The following KCTD9 variants were observed in gnomAD, a reference collection of about 807,000 sequenced individuals.
KCTD9 encodes BTB/POZ domain-containing protein KCTD9.
KCTD9 carries 17 observed loss-of-function variants against 53.3 expected under a neutral mutation model. The observed-to-expected ratio is 0.32, with a 90% CI of 0.22 to 0.48. The LOEUF (loss-of-function observed/expected upper bound fraction) is 0.48, where lower values mean the gene tolerates loss of function less well. Ranked by LOEUF, KCTD9 falls within the 20% of genes least tolerant of loss-of-function variation. The pLI is 0.99. For synonymous variants in KCTD9, 128 were observed against 162.7 expected (o/e 0.79, Z 1.62); for missense variants, 179 against 465.5 (o/e 0.38, Z 5.66).
intron 1 of KCTD9, among the ~76,000 whole-genome samples, chr8:25,454,585 A>G (rs900460415): frequency 6.6e-6 from 1 of 152,226 alleles, no homozygotes; most frequent in Admixed American, 6.5e-5. Flanking sequence ...GTTGAGGCAC[A>G]TGGAAAAAGG....
intron 2 of KCTD9, 79 bp from the exon 3 acceptor site, chr8:25,444,414 C>T (rs1467535466): frequency 9.1e-6 from 12 of 1,320,450 alleles, no homozygotes; most frequent in African/African-American, 3.0e-5. Flanking sequence ...AGGAACTATT[C>T]CTTACAATTA....
Position 25,436,432 on chromosome 8 carries a change from C to T in KCTD9, c.553G>A (p.Glu185Lys). The change falls in exon 7 of 12, where the codon GAA becomes AAA. Residue 185 changes from glutamate (E) to lysine (K), a missense_variant. Glu to Lys is a moderately conservative substitution (Grantham distance 56). This residue lies in a region of KCTD9 where 115 missense variants were observed against 250.9 expected (regional missense o/e 0.46). Transcript: ENST00000221200. ...FGIDSLIEHL[E>K]VAIKNSQPPE... is the part of the protein sequence containing the mutation. ...AACAGGCTTACCTTTATTGCCACTT[C>T]TAGGTGTTCAATCAATGAGTCAATA... 6.2e-7 allele frequency: 1 copy of T among 1,606,230 alleles called. No individual in the cohort carries two copies. The highest frequency in any genetic ancestry group is 8.5e-7 in the Non-Finnish European group (1 of 1,178,304).
At chr8:25,437,814 C>A (rs1014284092) in intron 6 of KCTD9, among the ~76,000 whole-genome samples, 1 of 133,106 alleles carries the variant, frequency 7.5e-6, no homozygotes, top group Non-Finnish European at 1.5e-5. Flanking sequence ...CACCATTGCA[C>A]TCCAGCCTGG....
intron 1 of KCTD9, among the ~76,000 whole-genome samples, chr8:25,455,727 G>A (rs752982088): frequency 9.9e-5 from 15 of 152,230 alleles, no homozygotes; most frequent in Admixed American, 2.6e-4. Flanking sequence ...ATATCACAAT[G>A]TCAATGACAA....
chr8:25,455,010 G>A (rs551522055), intron 1 of KCTD9, among the ~76,000 whole-genome samples: 82 of 152,272 alleles, frequency 5.4e-4, no homozygotes, highest in African/African-American at 1.9e-3. Flanking sequence ...TGGATCACAT[G>A]AGGTCAAGAG....
At chr8:25,456,803 A>G (rs1802444509) in intron 1 of KCTD9, among the ~76,000 whole-genome samples, 1 of 152,210 alleles carries the variant, frequency 6.6e-6, no homozygotes, top group African/African-American at 2.4e-5. Context: ...AATATTTATG[A>G]CTAGGTTTAA....
At chr8:25,455,925 T>C (rs192612553) in intron 1 of KCTD9, among the ~76,000 whole-genome samples, 46 of 152,376 alleles carry the variant, frequency 3.0e-4, no homozygotes, top group South Asian at 8.3e-4. Context: ...TATTTCTTCC[T>C]GACCTCCAAT....
chr8:25,455,753 G>A (rs780314234), intron 1 of KCTD9, among the ~76,000 whole-genome samples: 3 of 152,166 alleles, frequency 2.0e-5, no homozygotes, highest in Non-Finnish European at 2.9e-5. Flanking sequence ...CTGTGAAGAA[G>A]ACACTATTAA....
chr8:25,436,211 T>G, intron 8 of KCTD9, 24 bp downstream of exon 8: 1 of 1,347,058 alleles, frequency 7.4e-7, no homozygotes, highest in Non-Finnish European at 1.1e-6. Flanking sequence ...ATAGAAATAA[T>G]TGATGTAAAA....
At chr8:25,433,209 T>C in intron 10 of KCTD9, 121 bp downstream of exon 10, 2 of 459,608 alleles carry the variant, frequency 4.4e-6, no homozygotes, top group Non-Finnish European at 7.7e-6. Flanking sequence ...CCAAATATGA[T>C]GACAGAAGAA....
At chr8:25,452,447 T>C (rs1802345917) in intron 1 of KCTD9, among the ~76,000 whole-genome samples, 1 of 152,202 alleles carries the variant, frequency 6.6e-6, no homozygotes, top group Non-Finnish European at 1.5e-5. Context: ...GTCTATACCT[T>C]AGAGTGGTGG....
Position 25,439,513 on chromosome 8 carries a change from CATAATT to C in KCTD9, c.370+87_370+92del. ...ATAAGTTTTTACTCTTAAAAACTGA[CATAATT>C]AGTAAGTACAGAAGGTCAGGAGTTA... On this transcript the variant is annotated intron_variant, in intron 5 of 11. Transcript: ENST00000221200. The C allele has an allele frequency of 1.3e-5, 20 of 1,553,408 alleles. No individual in the cohort carries two copies. The South Asian group carries it at 2.0e-4, about 16-fold the overall frequency.
intron 10 of KCTD9, 46 bp from the exon 11 acceptor site, chr8:25,432,683 T>TA: frequency 6.4e-7 from 1 of 1,554,374 alleles, no homozygotes; most frequent in Non-Finnish European, 8.7e-7. Context: ...AAAATATAGT[T>TA]ATCTACCTTC....
intron 4 of KCTD9, 154 bp downstream of exon 4, chr8:25,440,423 T>C (rs1034386726): frequency 5.5e-5 from 33 of 594,762 alleles, no homozygotes; most frequent in Non-Finnish European, 9.0e-5. Context: ...CCATGTTTTT[T>C]TCTTCAAAAA....
rs199860581 is a variant in KCTD9, at chr8:25,436,401, T to C, written c.567+17A>G. On this transcript the variant is annotated intron_variant, in intron 7 of 11. Coordinates refer to ENST00000221200, the MANE Select transcript of KCTD9 (RefSeq NM_017634.4). ...CTACAATGAATGTAACACTGGCTAA[T>C]GTAAAAACAGGCTTACCTTTATTGC... is the stretch of plus-strand genomic sequence containing the variant. 2.4e-4 allele frequency: 392 copies of C among 1,607,002 alleles called. 1 individual carries two copies. Among genetic ancestry groups the C allele is most frequent in the Admixed American group, 1.1e-3 (66 of 59,660 alleles).
chr8:25,457,460 G>A (rs1802472545), intron 1 of KCTD9: 5 of 709,900 alleles, frequency 7.0e-6, no homozygotes, highest in Non-Finnish European at 8.6e-6. Flanking sequence ...CTCCAGCGCT[G>A]GAAGAACACT....
At chr8:25,435,674 G>T (rs1303291734) in intron 8 of KCTD9, among the ~76,000 whole-genome samples, 162 bp from the exon 9 acceptor site, 2 of 152,124 alleles carry the variant, frequency 1.3e-5, no homozygotes, top group Admixed American at 1.3e-4. Flanking sequence ...ATACATAAAA[G>T]AAGTGTCCTT....
At chr8:25,455,016 A>C (rs1392656692) in intron 1 of KCTD9, among the ~76,000 whole-genome samples, 2 of 152,126 alleles carry the variant, frequency 1.3e-5, no homozygotes, top group African/African-American at 4.8e-5. Context: ...ACATGAGGTC[A>C]AGAGTTCAGG....
chr8:25,447,274 C>G (rs1802230572), intron 1 of KCTD9, among the ~76,000 whole-genome samples: 1 of 152,106 alleles, frequency 6.6e-6, no homozygotes, highest in Admixed American at 6.6e-5. Flanking sequence ...ATGCCTGTAG[C>G]TACTCCAGAG....
Sources: gnomAD v4.1 joint callset for allele counts (sites outside exome capture counted in the v4.1 genomes callset) on GRCh38, gnomAD v4.1.1 for gene constraint, gnomAD v4.1.1 regional missense constraint, MANE v1.5 for transcripts, NCBI Gene and HGNC (gene_info 2026-07-23, HGNC 2026-07-21) for gene names.